Variants in PRELID3A observed in about 807,000 individuals in gnomAD.
The protein encoded by PRELID3A is PRELI domain containing protein 3A.
PRELID3A carries 27 observed loss-of-function variants against 23.0 expected under a neutral mutation model. The observed-to-expected ratio is 1.17, with a 90% confidence interval of 0.87 to 1.62. PRELID3A has a LOEUF of 1.62. Among genes scored for constraint, PRELID3A ranks in the 40% most tolerant of loss-of-function variants. The pLI is 0.00. For missense variants in PRELID3A, 231 were observed against 231.4 expected (o/e 1.00, Z 0.01); for synonymous variants, 87 against 86.4 (o/e 1.01, Z -0.04).
chr18:12,415,504 G>T (rs192762117), intron 1 of PRELID3A, among the ~76,000 whole-genome samples: 1 of 152,092 alleles, frequency 6.6e-6, no homozygotes, highest in African/African-American at 2.4e-5. Context: ...TGATCCGCCC[G>T]CCTCGGCCTC....
chr18:12,416,647 C>CTT (rs33927481), intron 1 of PRELID3A, among the ~76,000 whole-genome samples: 6 of 133,158 alleles, frequency 4.5e-5, no homozygotes, highest in Admixed American at 1.6e-4. Context: ...TTCTTTCTTT[C>CTT]TTTTTTTTTT....
chr18:12,413,065 A>G (rs1013093683), intron 1 of PRELID3A, among the ~76,000 whole-genome samples: 6 of 152,232 alleles, frequency 3.9e-5, no homozygotes, highest in African/African-American at 1.4e-4. Context: ...GCAGCTGGAA[A>G]AGGTGGGAGC....
intron 3 of PRELID3A, among the ~76,000 whole-genome samples, chr18:12,421,832 A>G (rs2030192346): frequency 6.6e-6 from 1 of 152,224 alleles, no homozygotes; most frequent in Non-Finnish European, 1.5e-5. Flanking sequence ...GAATTGTCAC[A>G]AAGAACGCAC....
chr18:12,421,588 G>C lies in PRELID3A; in HGVS notation c.250G>C (p.Val84Leu). Residue 84 changes from valine to leucine, a missense_variant, in exon 3 of 7, where the codon GTG becomes CTG. By Grantham distance (32) the Val-to-Leu change is conservative. Transcript: ENST00000440960. ...GACATACATCCGAGAACATTCTGTG[G>C]TGGATCCAGTGGAAAAGAAAATGGA... is the stretch of plus-strand genomic sequence containing the variant. The part of the protein sequence containing the change: ...TLTYIREHSV[V>L]DPVEKKMELC... 1 of 1,613,860 alleles carries C rather than the reference G, an allele frequency of 6.2e-7. No homozygotes were observed. Among genetic ancestry groups the C allele is most frequent in the East Asian group, 2.2e-5 (1 of 44,860 alleles).
At chr18:12,424,764 T>C (rs2030302627) in intron 3 of PRELID3A, among the ~76,000 whole-genome samples, 1 of 152,234 alleles carries the variant, frequency 6.6e-6, no homozygotes, top group Non-Finnish European at 1.5e-5. Context: ...GAGGGTGAAC[T>C]GAGTTAAACA....
intron 3 of PRELID3A, among the ~76,000 whole-genome samples, chr18:12,422,661 C>T (rs559517095): frequency 1.2e-4 from 19 of 152,194 alleles, no homozygotes; most frequent in Admixed American, 5.2e-4. Flanking sequence ...CTGGCCCCAA[C>T]AGGTATTTTT....
chr18:12,424,854 G>T (rs887600080), intron 3 of PRELID3A, among the ~76,000 whole-genome samples: 1 of 152,190 alleles, frequency 6.6e-6, no homozygotes, highest in African/African-American at 2.4e-5. Flanking sequence ...GCTATTTATG[G>T]CCAGTGCGGT....
At chr18:12,411,294 TA>T (rs1193956712) in intron 1 of PRELID3A, among the ~76,000 whole-genome samples, 1 of 144,312 alleles carries the variant, frequency 6.9e-6, no homozygotes, top group African/African-American at 2.7e-5. Context: ...CTGTCTCTAC[TA>T]AAAAATAAAA....
chr18:12,426,563 A>AAAAAAAAAAAAAAAAAAAAAAT (rs67993774), intron 3 of PRELID3A, among the ~76,000 whole-genome samples: 1 of 87,720 alleles, frequency 1.1e-5, no homozygotes. Context: ...CAAAAAAAAA[A>AAAAAAAAAAAAAAAAAAAAAAT]AAAGTATAAA....
chr18:12,430,825 A>C (rs553758790), intron 6 of PRELID3A, among the ~76,000 whole-genome samples: 2 of 133,094 alleles, frequency 1.5e-5, no homozygotes, highest in East Asian at 4.6e-4. Flanking sequence ...TGGGATGTGT[A>C]TGTGTGTGGT....
At position 12,423,534 on chromosome 18, in the gene PRELID3A, C is replaced by T. The variant is rs563937970; in HGVS notation, c.291+1905C>T. 6.6e-5 allele frequency among the ~76,000 whole-genome samples: 10 copies of T among 152,284 alleles called. No individual in the cohort carries two copies. In the South Asian group the frequency reaches 2.1e-3, roughly 32 times the overall value. ...TAGGGCGCCAGGCTGAATGGTGGCCCATGAGGGGCAGGTGTGAGAAGAGAG... is the reference window on the plus strand; with the variant it reads ...TAGGGCGCCAGGCTGAATGGTGGCCTATGAGGGGCAGGTGTGAGAAGAGAG... On this transcript the variant is annotated intron_variant, in intron 3 of 6. Coordinates refer to ENST00000440960, the MANE Select transcript of PRELID3A (RefSeq NM_001142405.2).
At chr18:12,430,322 G>A (rs542781312) in intron 6 of PRELID3A, among the ~76,000 whole-genome samples, 13 of 151,490 alleles carry the variant, frequency 8.6e-5, no homozygotes, top group Admixed American at 2.6e-4. Context: ...TGGTGAGTGC[G>A]GTGTGTGGAG....
At chr18:12,408,537 C>G (rs1010048451) in intron 1 of PRELID3A, among the ~76,000 whole-genome samples, 1 of 152,194 alleles carries the variant, frequency 6.6e-6, no homozygotes, top group Non-Finnish European at 1.5e-5. Context: ...TGGCTCTGAA[C>G]TCACTTGTAG....
rs12605427 is a variant in PRELID3A, at chr18:12,431,343, C to A, written c.*227C>A. 64,069 of 152,204 alleles carry A rather than the reference C, an allele frequency of 0.42. 15,093 individuals are homozygous for A. The highest frequency in any genetic ancestry group is 0.67 in the Middle Eastern group (198 of 296). The allele number at this position is 152,204 out of a possible 1,614,324, so 9.4% of individuals were successfully genotyped here. A position where few individuals can be genotyped will look rare whatever the true frequency, so the allele number is the denominator to read the frequency against. ...TGCAACAGGGAGCAGCCCCAGCCAG[C>A]CCCACCGCCGCCGTCTGCGTGGATG... On this transcript the variant is annotated 3_prime_UTR_variant, in exon 7 of 7. Coordinates refer to ENST00000440960, the MANE Select transcript of PRELID3A (RefSeq NM_001142405.2).
intron 1 of PRELID3A, among the ~76,000 whole-genome samples, chr18:12,408,907 TAAAAA>T (rs1909817403): frequency 6.6e-6 from 1 of 152,110 alleles, no homozygotes; most frequent in Non-Finnish European, 1.5e-5. Context: ...ATTGTGCAAA[TAAAAA>T]GAAGAAAAAA....
chr18:12,423,562 G>A (rs1477341412), intron 3 of PRELID3A, among the ~76,000 whole-genome samples: 2 of 152,194 alleles, frequency 1.3e-5, no homozygotes, highest in Non-Finnish European at 2.9e-5. Flanking sequence ...GAAGAGAGAG[G>A]TAAGCTTGCT....
At chr18:12,426,279 G>A (rs1365997644) in intron 3 of PRELID3A, among the ~76,000 whole-genome samples, 2 of 151,444 alleles carry the variant, frequency 1.3e-5, no homozygotes, top group South Asian at 2.1e-4. Context: ...TATAGGCCGG[G>A]TGGAGTGGCT....
intron 6 of PRELID3A, among the ~76,000 whole-genome samples, chr18:12,430,573 C>CA (rs1269261037): frequency 7.3e-6 from 1 of 136,528 alleles, no homozygotes; most frequent in Non-Finnish European, 1.6e-5. Flanking sequence ...GTGTGTGTGA[C>CA]ATGTGTGCTG....
chr18:12,423,488 G>A (rs1285566708), intron 3 of PRELID3A, among the ~76,000 whole-genome samples: 3 of 152,176 alleles, frequency 2.0e-5, no homozygotes, highest in South Asian at 2.1e-4. Flanking sequence ...GGAGGCTCAC[G>A]ACGCAGCTCT....
Sources: gnomAD v4.1 joint callset for allele counts (sites outside exome capture counted in the v4.1 genomes callset) on GRCh38, gnomAD v4.1.1 for gene constraint, MANE v1.5 for transcripts, NCBI Gene and HGNC (gene_info 2026-07-23, HGNC 2026-07-21) for gene names.